Variants in ABCC1 observed in about 807,000 individuals in gnomAD.
ABCC1 encodes ATP binding cassette subfamily C member 1 (ABCC1 blood group).
A neutral mutation model predicts 172.9 loss-of-function variants in ABCC1; 83 were observed. That is an observed-to-expected ratio of 0.48 (90% CI 0.40 to 0.58). The LOEUF (loss-of-function observed/expected upper bound fraction) is 0.58. Ranked by LOEUF, ABCC1 falls within the 20% of genes least tolerant of loss-of-function variation. The pLI, the probability that ABCC1 is intolerant of heterozygous loss-of-function variation, is 0.00. For missense variants in ABCC1, 1,817 were observed against 2,002.7 expected, an observed-to-expected ratio of 0.91 and a Z score of 1.77; for synonymous variants, 937 against 825.2, an observed-to-expected ratio of 1.14 and a Z score of -2.32.
chr16:15,957,090 AT>A (rs202222666), intron 1 of ABCC1, among the ~76,000 whole-genome samples: 4,111 of 151,398 alleles, frequency 0.027, 114 homozygotes, highest in African/African-American at 0.081. Context: ...TTTTTATTTT[AT>A]TTTTTTGAGA....
At position 15,979,797 on chromosome 16, in the gene ABCC1, C is replaced by T. The variant is rs371559973; in HGVS notation, c.49-28019C>T. ...GTCAACATTAGATATTTTTATCACC[C>T]TGCTTACTTGTTTTTATTTAAGACC... On this transcript the variant is annotated intron_variant, in intron 1 of 30. Transcript: ENST00000399410. Among the ~76,000 whole-genome samples the T allele has an allele frequency of 1.8e-3, 280 of 152,174 alleles. 11 individuals carry two copies. In the South Asian group the frequency reaches 0.055, roughly 30 times the overall value.
intron 11 of ABCC1, among the ~76,000 whole-genome samples, chr16:16,054,681 C>T (rs1187267070): frequency 6.6e-6 from 1 of 152,002 alleles, no homozygotes; most frequent in Non-Finnish European, 1.5e-5. Context: ...CTGAGTGGCC[C>T]GACTCAACCC....
At chr16:16,098,113 A>G (rs1209832726) in intron 19 of ABCC1, 1 of 152,564 alleles carries the variant, frequency 6.6e-6, no homozygotes, top group Non-Finnish European at 1.5e-5. Context: ...CCTCTTGGGC[A>G]CATGTGCATC....
intron 28 of ABCC1, among the ~76,000 whole-genome samples, chr16:16,134,881 A>G (rs931268158): frequency 6.6e-6 from 1 of 152,062 alleles, no homozygotes; most frequent in African/African-American, 2.4e-5. Context: ...GGCTCAAGCA[A>G]TCCACCCACC....
intron 12 of ABCC1, among the ~76,000 whole-genome samples, chr16:16,057,734 A>G (rs930179988): frequency 1.3e-5 from 2 of 152,078 alleles, no homozygotes; most frequent in African/African-American, 4.8e-5. Flanking sequence ...TTAACAATAT[A>G]TAGTCTTGGT....
chr16:16,103,325 A>T (rs1336710051), intron 20 of ABCC1, among the ~76,000 whole-genome samples: 1 of 152,172 alleles, frequency 6.6e-6, no homozygotes. Flanking sequence ...CATGCCTATA[A>T]TCCCAGCACT....
At chr16:15,973,369 C>T (rs929670394) in intron 1 of ABCC1, among the ~76,000 whole-genome samples, 17 of 152,058 alleles carry the variant, frequency 1.1e-4, no homozygotes, top group African/African-American at 3.4e-4. Flanking sequence ...GGGCAGGGAG[C>T]GCACGCCTAG....
intron 1 of ABCC1, among the ~76,000 whole-genome samples, chr16:15,989,068 CAAAAAAAA>C (rs35441399): frequency 1.3e-5 from 1 of 76,682 alleles, no homozygotes; most frequent in African/African-American, 5.2e-5. Flanking sequence ...GACTCTGTCT[CAAAAAAAA>C]AAAAAAAAAA....
chr16:15,973,049 C>T (rs927590905), intron 1 of ABCC1, among the ~76,000 whole-genome samples: 2 of 152,048 alleles, frequency 1.3e-5, no homozygotes, highest in Non-Finnish European at 2.9e-5. Context: ...CCCACCTCAG[C>T]CTCCCAAAGT....
chr16:16,066,183 CTG>C (rs1200222172), intron 12 of ABCC1, among the ~76,000 whole-genome samples: 1 of 150,012 alleles, frequency 6.7e-6, no homozygotes, highest in Non-Finnish European at 1.5e-5. Flanking sequence ...CCTTTTCTGA[CTG>C]TTTTCTTTTT....
chr16:16,023,827 T>C (rs183451170), intron 5 of ABCC1, among the ~76,000 whole-genome samples: 1 of 151,846 alleles, frequency 6.6e-6, no homozygotes, highest in African/African-American at 2.4e-5. Context: ...GTGAATATGT[T>C]TGGAGGTGGT....
At chr16:16,105,854 A>G (rs1167328540) in intron 20 of ABCC1, among the ~76,000 whole-genome samples, 2 of 146,530 alleles carry the variant, frequency 1.4e-5, no homozygotes, top group African/African-American at 2.5e-5. Flanking sequence ...CATAAAGCTC[A>G]TGACCACTGA....
rs980709080 is a variant in ABCC1 at position 16,138,424 on chromosome 16, T to C, written c.4353T>C (p.Leu1451=). The C allele has an allele frequency of 1.9e-6, 3 of 1,612,144 alleles. No individual in the cohort carries two copies. Among genetic ancestry groups the C allele is most frequent in the Middle Eastern group, 1.7e-4 (1 of 6,058 alleles). Residue 1451 remains leucine, a synonymous_variant, in exon 30 of 31, where the codon CTT becomes CTC. Transcript: ENST00000399410. ...CCCTGCTGAGGAAGACGAAGATCCT[T>C]GTGTTGGATGAGGCCACGGCAGCCG... ...ARALLRKTKI[L]VLDEATAAVD... is the part of the protein sequence containing the mutation.
At chr16:16,067,477 G>A (rs779477169) in intron 12 of ABCC1, among the ~76,000 whole-genome samples, 2 of 152,192 alleles carry the variant, frequency 1.3e-5, no homozygotes, top group Non-Finnish European at 2.9e-5. Context: ...GAGTTTTACT[G>A]TGCTTGGGCC....
At chr16:16,021,021 G>A (rs1398111892) in intron 5 of ABCC1, among the ~76,000 whole-genome samples, 1 of 152,176 alleles carries the variant, frequency 6.6e-6, no homozygotes, top group Non-Finnish European at 1.5e-5. Context: ...CTTTGTGTTA[G>A]GCTAGAGGCT....
At chr16:16,010,546 G>C (rs1342520958) in intron 3 of ABCC1, among the ~76,000 whole-genome samples, 3 of 152,146 alleles carry the variant, frequency 2.0e-5, no homozygotes, top group African/African-American at 7.2e-5. Flanking sequence ...ATCTGGCATA[G>C]GGGGTGGGTT....
intron 9 of ABCC1, among the ~76,000 whole-genome samples, chr16:16,047,566 G>A (rs1173220074): frequency 6.6e-6 from 1 of 152,080 alleles, no homozygotes; most frequent in African/African-American, 2.4e-5. Context: ...GGGCATTTTC[G>A]GTTGTCCCAA....
chr16:15,961,100 C>T (rs215097), intron 1 of ABCC1, among the ~76,000 whole-genome samples: 93,576 of 150,764 alleles, frequency 0.62, 30,601 homozygotes, highest in Non-Finnish European at 0.73. Context: ...CCCACCTTGG[C>T]CCTTCCATGT....
At chr16:16,133,694 G>A (rs773255466) in intron 27 of ABCC1, among the ~76,000 whole-genome samples, 1 of 152,096 alleles carries the variant, frequency 6.6e-6, no homozygotes, top group Admixed American at 6.6e-5. Context: ...ATGAGCCACC[G>A]TGCCCCAGCC....
Sources: gnomAD v4.1 joint callset for allele counts (sites outside exome capture counted in the v4.1 genomes callset) on GRCh38, gnomAD v4.1.1 for gene constraint, MANE v1.5 for transcripts, NCBI Gene and HGNC (gene_info 2026-07-23, HGNC 2026-07-21) for gene names.